The following DMXL1 variants were observed in gnomAD, a reference collection of about 807,000 sequenced individuals.
The protein encoded by DMXL1 is Dmx like 1, also known as dmX-like protein 1.
In DMXL1, 99 loss-of-function variants were observed where a neutral mutation model predicts 319.2. The ratio of observed to expected loss-of-function variants is 0.31; its 90% CI spans 0.26 to 0.37. DMXL1 has a LOEUF of 0.37. DMXL1 is among the 10% of genes least tolerant of loss of function. DMXL1 has a pLI of 1.00. For synonymous variants in DMXL1, 1,385 were observed against 1,235.2 expected (o/e 1.12, Z -2.54); for missense variants, 3,745 against 3,595.6 (o/e 1.04, Z -1.06).
chr5:119,173,655 CAG>C (rs1775058140), intron 25 of DMXL1, among the ~76,000 whole-genome samples: 1 of 141,022 alleles, frequency 7.1e-6, no homozygotes, highest in Non-Finnish European at 1.5e-5. Context: ...ACCAAAGAAA[CAG>C]AATCAGTAGG....
intron 15 of DMXL1, among the ~76,000 whole-genome samples, chr5:119,146,392 A>C (rs1333784543): frequency 6.6e-6 from 1 of 151,970 alleles, no homozygotes; most frequent in Non-Finnish European, 1.5e-5. Flanking sequence ...TTCTTGAATG[A>C]TATGTTTTAT....
At chr5:119,104,911 T>C (rs1758000918) in intron 3 of DMXL1, among the ~76,000 whole-genome samples, 4 of 152,186 alleles carry the variant, frequency 2.6e-5, no homozygotes, top group Admixed American at 2.6e-4. Flanking sequence ...AAGTAATAAT[T>C]AAATCTGAGG....
intron 23 of DMXL1, among the ~76,000 whole-genome samples, chr5:119,169,860 G>C (rs1774196199): frequency 6.6e-6 from 1 of 152,162 alleles, no homozygotes; most frequent in Non-Finnish European, 1.5e-5. Context: ...AGGAGGACTA[G>C]CAAAGCAGAC....
chr5:119,135,699 C>G (rs1199363122), intron 13 of DMXL1, among the ~76,000 whole-genome samples: 1 of 152,182 alleles, frequency 6.6e-6, no homozygotes, highest in East Asian at 1.9e-4. Flanking sequence ...GTGGCAGTTT[C>G]CCCTGTGCAC....
At chr5:119,081,578 A>G (rs1752199494) in intron 1 of DMXL1, 2 of 985,376 alleles carry the variant, frequency 2.0e-6, no homozygotes, top group Non-Finnish European at 2.4e-6. Context: ...TTATAGGAGG[A>G]ATAAGAACTC....
At chr5:119,143,782 T>C in intron 13 of DMXL1, 59 bp from the exon 14 acceptor site, 1 of 1,157,756 alleles carries the variant, frequency 8.6e-7, no homozygotes, top group Middle Eastern at 2.4e-4. Context: ...AATTTTGTTA[T>C]TTACTCTTAT....
At chr5:119,128,150 C>G (rs894769021) in intron 9 of DMXL1, 3 of 495,916 alleles carry the variant, frequency 6.0e-6, no homozygotes, top group African/African-American at 2.0e-5. Flanking sequence ...ACACCACCTT[C>G]TTTGATTAAA....
At chr5:119,167,524 A>T in intron 22 of DMXL1, 79 bp from the exon 23 acceptor site, 1 of 1,146,584 alleles carries the variant, frequency 8.7e-7, no homozygotes, top group Non-Finnish European at 1.2e-6. Context: ...ATATTTTTCT[A>T]GTTATTAGTG....
chr5:119,241,112 A>G (rs1188716802), intron 42 of DMXL1, among the ~76,000 whole-genome samples: 1 of 152,200 alleles, frequency 6.6e-6, no homozygotes, highest in Non-Finnish European at 1.5e-5. Context: ...CAATTAACAC[A>G]TATTTTGTAT....
chr5:119,138,237 A>G (rs1766478427), intron 13 of DMXL1, among the ~76,000 whole-genome samples: 1 of 152,176 alleles, frequency 6.6e-6, no homozygotes, highest in South Asian at 2.1e-4. Context: ...AATGGACTGG[A>G]TGCGGTATGT....
At chr5:119,209,867 T>C (rs1241075384) in intron 34 of DMXL1, among the ~76,000 whole-genome samples, 1 of 152,240 alleles carries the variant, frequency 6.6e-6, no homozygotes, top group African/African-American at 2.4e-5. Flanking sequence ...TTAACAGTTA[T>C]TTGTATGTTC....
At chr5:119,175,665 A>G (rs1242166394) in intron 26 of DMXL1, among the ~76,000 whole-genome samples, 4 of 152,150 alleles carry the variant, frequency 2.6e-5, no homozygotes, top group African/African-American at 4.8e-5. Context: ...ATGTGAGTTG[A>G]TAAATGATAT....
At chr5:119,203,193 TCTGCCTC>T in intron 32 of DMXL1, 119 bp from the exon 33 acceptor site, 1 of 580,022 alleles carries the variant, frequency 1.7e-6, no homozygotes, top group Non-Finnish European at 3.0e-6. Flanking sequence ...GGCCATATGA[TCTGCCTC>T]CAGTCATACA....
At chr5:119,089,309 T>TTA (rs1754152494) in intron 1 of DMXL1, among the ~76,000 whole-genome samples, 1 of 107,594 alleles carries the variant, frequency 9.3e-6, no homozygotes, top group East Asian at 3.3e-4. Flanking sequence ...TTTTTTTTTT[T>TTA]TTTTTTTTTT....
At chr5:119,177,324 A>G (rs1293786023) in intron 26 of DMXL1, 33 bp from the exon 27 acceptor site, 1 of 1,370,554 alleles carries the variant, frequency 7.3e-7, no homozygotes, top group African/African-American at 1.5e-5. Flanking sequence ...TATAAAATTT[A>G]TCATAGATTT....
At chr5:119,181,534 C>T (rs1403662188) in intron 28 of DMXL1, among the ~76,000 whole-genome samples, 2 of 152,104 alleles carry the variant, frequency 1.3e-5, no homozygotes, top group Non-Finnish European at 2.9e-5. Flanking sequence ...TGAAAAGGAG[C>T]AGGAGGGCTG....
At chr5:119,102,497 A>G (rs1489270739) in intron 3 of DMXL1, among the ~76,000 whole-genome samples, 4 of 152,234 alleles carry the variant, frequency 2.6e-5, no homozygotes, top group South Asian at 2.1e-4. Context: ...TGGTTACCCA[A>G]TAATTTATAA....
chr5:119,094,897 C>G (rs1755584522), intron 1 of DMXL1, among the ~76,000 whole-genome samples: 1 of 149,480 alleles, frequency 6.7e-6, no homozygotes, highest in Admixed American at 6.7e-5. Context: ...CAAGGTCTCA[C>G]TCTGTTGCCT....
intron 9 of DMXL1, 130 bp downstream of exon 9, chr5:119,121,269 T>C: frequency 1.5e-6 from 1 of 685,892 alleles, no homozygotes; most frequent in Non-Finnish European, 2.1e-6. Flanking sequence ...TTTCTTTTTT[T>C]TTTCTTTTTT....
Sources: gnomAD v4.1 joint callset for allele counts (sites outside exome capture counted in the v4.1 genomes callset) on GRCh38, gnomAD v4.1.1 for gene constraint, MANE v1.5 for transcripts, NCBI Gene and HGNC (gene_info 2026-07-23, HGNC 2026-07-21) for gene names.